RALGAPA1: variants seen among roughly 807,000 people sequenced by gnomAD.
RALGAPA1 encodes ral GTPase-activating protein subunit alpha-1.
RALGAPA1 carries 52 observed loss-of-function variants against 269.6 expected under a neutral mutation model. The observed-to-expected ratio is 0.19, with a 90% confidence interval of 0.15 to 0.24. RALGAPA1 has a LOEUF of 0.24. RALGAPA1 is among the 10% of genes least tolerant of loss of function. RALGAPA1 has a pLI of 1.00. For missense variants in RALGAPA1, 1,917 were observed against 3,013.9 expected, an observed-to-expected ratio of 0.64 and a Z score of 8.52; for synonymous variants, 817 against 1,008.3, an observed-to-expected ratio of 0.81 and a Z score of 3.60.
intron 30 of RALGAPA1, among the ~76,000 whole-genome samples, chr14:35,653,488 T>C (rs1334935267): frequency 6.6e-6 from 1 of 152,082 alleles, no homozygotes; most frequent in Non-Finnish European, 1.5e-5. Flanking sequence ...CAGGGGTATG[T>C]TTAAGTGATG....
rs2066199989 is a variant in RALGAPA1 at position 35,688,748 on chromosome 14, T to A, written c.3663A>T (p.Ala1221=). 6.8e-7 allele frequency: 1 copy of A among 1,461,634 alleles called. No individual in the cohort carries two copies. The allele number at this position is 1,461,634 out of a possible 1,614,324, so 90.5% of individuals were successfully genotyped here. A position where few individuals can be genotyped will look rare whatever the true frequency, so the allele number is the denominator to read the frequency against. ...VYRPLDTLGT[A]SVSSKTVKES... ...CCTTCACTGTTTTGCTGCTTACTGATGCAGTACCAAGTGTATCTAGAGGTC... is the reference window on the plus strand; with the variant it reads ...CCTTCACTGTTTTGCTGCTTACTGAAGCAGTACCAAGTGTATCTAGAGGTC... Residue 1221 remains alanine (A), a synonymous_variant, in exon 18 of 42, where the codon GCA becomes GCT. Coordinates refer to ENST00000680220, the MANE Select transcript of RALGAPA1 (RefSeq NM_001346249.2).
chr14:35,651,889 A>C lies in RALGAPA1; in HGVS notation c.5608-16T>G, dbSNP rs1566924861. 4 of 1,592,194 alleles carry C rather than the reference A, an allele frequency of 2.5e-6. No homozygotes were observed. In the Admixed American group the frequency reaches 7.2e-5, roughly 29 times the overall value. Reference sequence around the variant, plus strand: ...CTATTAGGATCTGTAAGCAAAAAAAAATTTTTTTAAAAGCTCTATATATGT... The same window carrying C: ...CTATTAGGATCTGTAAGCAAAAAAACATTTTTTTAAAAGCTCTATATATGT... On this transcript the variant is annotated splice_polypyrimidine_tract_variant and intron_variant, in intron 30 of 41. Coordinates refer to ENST00000680220, the MANE Select transcript of RALGAPA1 (RefSeq NM_001346249.2).
At chr14:35,774,318 C>A (rs918924691) in intron 3 of RALGAPA1, among the ~76,000 whole-genome samples, 1 of 152,006 alleles carries the variant, frequency 6.6e-6, no homozygotes, top group Admixed American at 6.6e-5. Context: ...CTACAGGTCT[C>A]GAAATTCTCA....
chr14:35,574,886 G>T (rs1457415202), intron 37 of RALGAPA1, among the ~76,000 whole-genome samples: 1 of 152,076 alleles, frequency 6.6e-6, no homozygotes, highest in Non-Finnish European at 1.5e-5. Flanking sequence ...GAGCACTCTG[G>T]GAGGCTAAGG....
intron 24 of RALGAPA1, among the ~76,000 whole-genome samples, chr14:35,673,330 A>G (rs1246257819): frequency 6.6e-6 from 1 of 152,220 alleles, no homozygotes; most frequent in Admixed American, 6.6e-5. Flanking sequence ...CCAAGGCAGA[A>G]GGGTCTCTTG....
At position 35,783,492 on chromosome 14, in the gene RALGAPA1, A is replaced by G. The variant is rs1157082487; in HGVS notation, c.107-7747T>C. Among the ~76,000 whole-genome samples, 4 of 152,180 alleles carry G rather than the reference A, an allele frequency of 2.6e-5. No individual in the cohort carries two copies. The East Asian group carries it at 7.7e-4, about 29-fold the overall frequency. On this transcript the variant is annotated intron_variant, in intron 1 of 41. Transcript: ENST00000680220. ...AAACTAAAATTATAAAACTCAGAAGAAAACATGACCTTGAATCAGTCAATT... is the reference window on the plus strand; with the variant it reads ...AAACTAAAATTATAAAACTCAGAAGGAAACATGACCTTGAATCAGTCAATT...
At chr14:35,766,120 T>C (rs1333941492) in intron 4 of RALGAPA1, 4 of 1,010,462 alleles carry the variant, frequency 4.0e-6, no homozygotes, top group Non-Finnish European at 3.2e-6. Context: ...ACTGGAGGGC[T>C]GACCAGAAAT....
intron 14 of RALGAPA1, 98 bp from the exon 15 acceptor site, chr14:35,723,362 AAC>A (rs1222103850): frequency 6.1e-6 from 4 of 654,830 alleles, no homozygotes; most frequent in Non-Finnish European, 1.0e-5. Context: ...AAAAACAAGC[AAC>A]ATTTAAAATC....
intron 39 of RALGAPA1, among the ~76,000 whole-genome samples, chr14:35,563,669 T>A (rs1233174726): frequency 4.6e-5 from 7 of 152,174 alleles, no homozygotes; most frequent in Admixed American, 4.6e-4. Flanking sequence ...AAAATACTCA[T>A]CATAAATTGA....
chr14:35,568,759 C>T (rs117195511), intron 39 of RALGAPA1, among the ~76,000 whole-genome samples: 188 of 152,298 alleles, frequency 1.2e-3, no homozygotes, highest in Non-Finnish European at 1.9e-3. Context: ...AAACAATCAA[C>T]AGACAATATA....
intron 36 of RALGAPA1, among the ~76,000 whole-genome samples, chr14:35,603,141 T>C (rs2059396140): frequency 6.6e-6 from 1 of 152,176 alleles, no homozygotes; most frequent in African/African-American, 2.4e-5. Context: ...TCTTTTTCTT[T>C]TTCCTAAGTT....
chr14:35,549,059 C>T, intron 40 of RALGAPA1, 51 bp downstream of exon 40: 2 of 1,596,722 alleles, frequency 1.3e-6, no homozygotes, highest in Non-Finnish European at 1.7e-6. Context: ...CAAAAGGGTA[C>T]TGCATTTCAA....
intron 16 of RALGAPA1, chr14:35,707,201 T>C (rs1421706491): frequency 6.6e-6 from 1 of 152,248 alleles, no homozygotes; most frequent in Admixed American, 6.5e-5. Flanking sequence ...TGGCATCCTA[T>C]AACCTTGCTA....
chr14:35,788,524 C>T (rs992581459), intron 1 of RALGAPA1, among the ~76,000 whole-genome samples: 4 of 152,044 alleles, frequency 2.6e-5, no homozygotes, highest in African/African-American at 9.7e-5. Context: ...GTGGCTCATG[C>T]CTGTAATCCC....
chr14:35,745,369 T>C (rs1184183241), intron 10 of RALGAPA1, among the ~76,000 whole-genome samples: 1 of 151,016 alleles, frequency 6.6e-6, no homozygotes, highest in African/African-American at 2.4e-5. Context: ...AAAACAGACA[T>C]ATAGAGCAAT....
At chr14:35,551,425 G>T (rs1360089051) in intron 39 of RALGAPA1, among the ~76,000 whole-genome samples, 1 of 152,144 alleles carries the variant, frequency 6.6e-6, no homozygotes, top group African/African-American at 2.4e-5. Flanking sequence ...CTGCCAGGAA[G>T]CAAAGGCTGA....
chr14:35,709,858 C>T (rs1799898070), intron 16 of RALGAPA1, among the ~76,000 whole-genome samples: 1 of 152,108 alleles, frequency 6.6e-6, no homozygotes, highest in African/African-American at 2.4e-5. Context: ...CCAATTTTTT[C>T]CATCGATTTA....
chr14:35,627,477 A>C lies in RALGAPA1; in HGVS notation c.6470T>G (p.Ile2157Arg), dbSNP rs923852520. 3 of 1,613,308 alleles carry C rather than the reference A, an allele frequency of 1.9e-6. No individual in the cohort carries two copies. Among genetic ancestry groups the C allele is most frequent in the Non-Finnish European group, 2.5e-6 (3 of 1,179,846 alleles). The change falls in exon 34 of 42, where the codon ATA becomes AGA. Residue 2157 changes from isoleucine (I) to arginine (R), a missense_variant. Transcript: ENST00000680220. ...GAGAGAAAGTCCATCTTTTACGGTT[A>C]TATCTTCTAAGCATTCATTAGATGT... ...PPTSNECLED[I>R]TVKDGLSLQF...
intron 16 of RALGAPA1, among the ~76,000 whole-genome samples, chr14:35,717,277 A>C (rs1397487394): frequency 6.6e-6 from 1 of 152,074 alleles, no homozygotes; most frequent in Non-Finnish European, 1.5e-5. Context: ...CAGCCTCCCG[A>C]GTAGCTGGGA....
Sources: allele counts gnomAD v4.1 joint callset (sites outside exome capture counted in the v4.1 genomes callset), GRCh38; gene constraint gnomAD v4.1.1; transcripts MANE v1.5; gene names NCBI Gene and HGNC (gene_info 2026-07-23, HGNC 2026-07-21).